PGM5: variants seen among roughly 807,000 people sequenced by gnomAD.
PGM5 encodes the protein phosphoglucomutase-like protein 5.
Under a neutral mutation model 59.2 loss-of-function variants are expected in PGM5, and 23 were observed. The ratio of observed to expected loss-of-function variants is 0.39; its 90% CI spans 0.28 to 0.55. PGM5 has a LOEUF of 0.55. Among genes scored for constraint, PGM5 ranks in the 20% least tolerant of loss-of-function variants. PGM5 has a pLI of 0.66. For missense variants in PGM5, 574 were observed against 748.3 expected (o/e 0.77, Z 2.72); for synonymous variants, 214 against 286.0 (o/e 0.75, Z 2.54).
chr9:68,521,940 C>G (rs1824905656), intron 10 of PGM5, among the ~76,000 whole-genome samples: 2 of 152,156 alleles, frequency 1.3e-5, no homozygotes. Context: ...GGGCATGGAG[C>G]CAATTAGAGC....
rs1821961994 is a variant in PGM5, at chr9:68,377,866, G to A, written c.262-333G>A. On this transcript the variant is annotated intron_variant, in intron 1 of 10. Coordinates refer to ENST00000396396, the MANE Select transcript of PGM5 (RefSeq NM_021965.4). The stretch of plus-strand genomic sequence containing the variant: ...TAGCATGTCCACATGCATAGTTTCT[G>A]AGTCAGTAGCAAACTAAGAACTTCT... Among the ~76,000 whole-genome samples the A allele has an allele frequency of 2.6e-5, 4 of 152,094 alleles. No individual in the cohort carries two copies. The South Asian group carries it at 8.3e-4, about 32-fold the overall frequency.
intron 1 of PGM5, among the ~76,000 whole-genome samples, chr9:68,373,022 C>T (rs565884097): frequency 3.3e-5 from 5 of 151,828 alleles, no homozygotes; most frequent in Admixed American, 3.3e-4. Flanking sequence ...TTGGAGGAGA[C>T]AAACATCTAA....
At chr9:68,424,203 CAA>C (rs1554682565) in intron 6 of PGM5, among the ~76,000 whole-genome samples, 2 of 152,196 alleles carry the variant, frequency 1.3e-5, no homozygotes, top group African/African-American at 4.8e-5. Flanking sequence ...GCATTTCCCA[CAA>C]AGTGTTTCAT....
chr9:68,377,116 A>C (rs1238808057), intron 1 of PGM5, among the ~76,000 whole-genome samples: 1 of 151,886 alleles, frequency 6.6e-6, no homozygotes, highest in Non-Finnish European at 1.5e-5. Flanking sequence ...TAGTAGAAAT[A>C]GGGTTTCACC....
At chr9:68,360,427 A>C (rs1370802496) in intron 1 of PGM5, among the ~76,000 whole-genome samples, 1 of 151,154 alleles carries the variant, frequency 6.6e-6, no homozygotes, top group Non-Finnish European at 1.5e-5. Context: ...GTGATGGAGA[A>C]TAATGAGCCT....
intron 6 of PGM5, among the ~76,000 whole-genome samples, chr9:68,424,623 G>A (rs557015483): frequency 6.6e-6 from 1 of 152,188 alleles, no homozygotes; most frequent in African/African-American, 2.4e-5. Context: ...CTTAAACAAG[G>A]CAGAAGGGTT....
rs564424011 is a variant in PGM5, at chr9:68,412,813, C to A, written c.1043+20340C>A. On this transcript the variant is annotated intron_variant, in intron 6 of 10. Transcript: ENST00000396396. ...CATTCTGGAACACAGTATTCCAGAG[C>A]ATGTTAATTGTTTAGAGATAATGGA... is the stretch of plus-strand genomic sequence containing the variant. 3.3e-4 allele frequency among the ~76,000 whole-genome samples: 50 copies of A among 152,322 alleles called. 1 individual carries two copies. The highest frequency in any genetic ancestry group is 1.1e-3 in the African/African-American group (46 of 41,552).
chr9:68,362,924 A>C (rs2131973112), intron 1 of PGM5, among the ~76,000 whole-genome samples: 1 of 133,308 alleles, frequency 7.5e-6, no homozygotes, highest in Admixed American at 8.9e-5. Flanking sequence ...GCTAGAGTGC[A>C]GTGGCACAAT....
intron 10 of PGM5, among the ~76,000 whole-genome samples, chr9:68,526,885 T>G (rs1824983478): frequency 6.6e-6 from 1 of 152,254 alleles, no homozygotes; most frequent in African/African-American, 2.4e-5. Context: ...GGTTTACATA[T>G]AATTAAATTG....
At chr9:68,363,773 A>T (rs1834626828) in intron 1 of PGM5, among the ~76,000 whole-genome samples, 1 of 152,302 alleles carries the variant, frequency 6.6e-6, no homozygotes, top group African/African-American at 2.4e-5. Flanking sequence ...TGGAGGGCAG[A>T]TGCGTTAGCC....
Position 68,358,276 on chromosome 9 carries a change from G to A in PGM5, c.261+888G>A, listed in dbSNP as rs372486213. Among the ~76,000 whole-genome samples, 85 of 152,026 alleles carry A rather than the reference G, an allele frequency of 5.6e-4. 2 individuals are homozygous for A. In the East Asian group the frequency reaches 0.015, roughly 26 times the overall value. On this transcript the variant is annotated intron_variant, in intron 1 of 10. Transcript: ENST00000396396. ...TTTCTCTCCCTTCTCCCACGACCTC[G>A]GTAGTCTTCTGCAATCCAGATTCTC... is the stretch of plus-strand genomic sequence containing the variant.
chr9:68,387,616 T>C (rs263787), intron 4 of PGM5, 28 bp downstream of exon 4: 3 of 1,610,234 alleles, frequency 1.9e-6, no homozygotes, highest in Non-Finnish European at 2.5e-6. Context: ...TCCAAATCAG[T>C]GGGCAGGAAA....
intron 1 of PGM5, among the ~76,000 whole-genome samples, chr9:68,376,835 C>CTCTCTTTCTTTCTTTCT (rs1563984870): frequency 6.8e-5 from 4 of 58,598 alleles, no homozygotes; most frequent in African/African-American, 1.7e-4. Context: ...CTTTCTTTCT[C>CTCTCTTTCTTTCTTTCT]TTTCTTTCTT....
At chr9:68,503,926 G>C (rs1374860358) in intron 10 of PGM5, among the ~76,000 whole-genome samples, 4 of 152,182 alleles carry the variant, frequency 2.6e-5, no homozygotes, top group African/African-American at 9.7e-5. Context: ...CAATCACCTT[G>C]GGAATGTGTT....
chr9:68,497,368 T>G (rs1824497912), intron 9 of PGM5: 3 of 152,242 alleles, frequency 2.0e-5, no homozygotes, highest in Admixed American at 2.0e-4. Context: ...TCATCCTGTC[T>G]GCAAAGCCAG....
rs149593926 is a variant in PGM5, at chr9:68,459,291, G to A, written c.1044-5802G>A. On this transcript the variant is annotated intron_variant, in intron 6 of 10. Transcript: ENST00000396396. ...TTTTTCACCAAATGAACACACCCGT[G>A]TAACTACCATCTGGATCAAGAAACA... Among the ~76,000 whole-genome samples the A allele has an allele frequency of 4.1e-3, 619 of 152,256 alleles. 1 individual carries two copies. The highest frequency in any genetic ancestry group is 0.01 in the Middle Eastern group (3 of 294).
At chr9:68,390,477 A>G (rs1386950073) in intron 4 of PGM5, among the ~76,000 whole-genome samples, 2 of 152,120 alleles carry the variant, frequency 1.3e-5, no homozygotes, top group African/African-American at 4.8e-5. Flanking sequence ...ATGAACTGAG[A>G]TGGGGAAGAG....
intron 9 of PGM5, among the ~76,000 whole-genome samples, chr9:68,485,435 G>T (rs563476232): frequency 6.6e-6 from 1 of 152,184 alleles, no homozygotes; most frequent in African/African-American, 2.4e-5. Context: ...GGTTTTTCCT[G>T]TGCAGTCTTG....
At chr9:68,442,452 G>A (rs1462542140) in intron 6 of PGM5, among the ~76,000 whole-genome samples, 1 of 152,124 alleles carries the variant, frequency 6.6e-6, no homozygotes, top group Non-Finnish European at 1.5e-5. Flanking sequence ...TAATAGAGAT[G>A]GGGTTTCACC....
Sources: gnomAD v4.1 joint callset for allele counts (sites outside exome capture counted in the v4.1 genomes callset) on GRCh38, gnomAD v4.1.1 for gene constraint, MANE v1.5 for transcripts, NCBI Gene and HGNC (gene_info 2026-07-23, HGNC 2026-07-21) for gene names.